The following DNAJB2 variants were observed in gnomAD, a reference collection of about 807,000 sequenced individuals.
DNAJB2 encodes the protein DnaJ heat shock protein family (Hsp40) member B2, also known as dnaJ homolog subfamily B member 2.
In DNAJB2, 19 loss-of-function variants were observed where a neutral mutation model predicts 33.3. That is an observed-to-expected ratio of 0.57 (90% CI 0.40 to 0.84). DNAJB2 has a LOEUF of 0.84. DNAJB2 is among the 40% of genes least tolerant of loss of function. DNAJB2 has a pLI of 0.00. For missense variants in DNAJB2, 368 were observed against 430.9 expected, an observed-to-expected ratio of 0.85 and a Z score of 1.29; for synonymous variants, 172 against 164.6, an observed-to-expected ratio of 1.04 and a Z score of -0.34.
Position 219,281,739 on chromosome 2 carries a change from A to C in DNAJB2, c.197A>C (p.Asp66Ala), listed in dbSNP as rs1951906347. Reference protein sequence around the residue: ...LSDKHKREIYDRYGREGLTGT... With the variant: ...LSDKHKREIYARYGREGLTGT... ...GCAGAGCACAAGCGGGAGATTTACG[A>C]CCGCTATGGCCGGGAAGGGCTGACA... is the stretch of plus-strand genomic sequence containing the variant. The change falls in exon 4 of 9, where the codon GAC becomes GCC. Residue 66 changes from aspartate (D) to alanine (A), a missense_variant. Physicochemically the swap from Asp to Ala is moderately radical, Grantham distance 126. Coordinates refer to ENST00000336576, the MANE Select transcript of DNAJB2 (RefSeq NM_006736.6). 6.2e-7 allele frequency: 1 copy of C among 1,613,798 alleles called. No homozygotes were observed.
chr2:219,280,755 T>A, intron 3 of DNAJB2, 68 bp downstream of exon 3: 1 of 1,176,292 alleles, frequency 8.5e-7, no homozygotes, highest in Non-Finnish European at 1.2e-6. Flanking sequence ...CACATTTTCT[T>A]AAAGCAATGT....
Position 219,279,977 on chromosome 2 carries a change from T to C in DNAJB2, c.65+79T>C. The C allele has an allele frequency of 2.0e-6, 3 of 1,521,060 alleles. No homozygotes were observed. Among genetic ancestry groups the C allele is most frequent in the Non-Finnish European group, 2.7e-6 (3 of 1,102,532 alleles). 94.2% of individuals were successfully genotyped at this position (1,521,060 alleles called of 1,614,324 possible). A position where few individuals can be genotyped will look rare whatever the true frequency, so the allele number is the denominator to read the frequency against. On this transcript the variant is annotated intron_variant, in intron 2 of 8. Coordinates refer to ENST00000336576, the MANE Select transcript of DNAJB2 (RefSeq NM_006736.6). This position sits in a 1 kb window ranked among gnomAD's most constrained non-coding sequence, Gnocchi z 4.9. ...ATGGGGCACTTCAGAGTGACACCTG[T>C]AGGTGTCTGAGGGAACCAGGTCGTT...
Position 219,285,592 on chromosome 2 carries a change from C to A in DNAJB2, c.*605C>A. 9.4e-7 allele frequency: 1 copy of A among 1,060,354 alleles called. No homozygotes were observed. Among genetic ancestry groups the A allele is most frequent in the Non-Finnish European group, 1.1e-6 (1 of 877,178 alleles). The allele number at this position is 1,060,354 out of a possible 1,614,324, so 65.7% of individuals were successfully genotyped here. ...GCCGTCTGGCTAGGACTCCCTTCTTCCTTCCTTCCCCGAGAAGGCCTCAAT... is the reference window on the plus strand; with the variant it reads ...GCCGTCTGGCTAGGACTCCCTTCTTACTTCCTTCCCCGAGAAGGCCTCAAT... On this transcript the variant is annotated 3_prime_UTR_variant, in exon 9 of 9. Transcript: ENST00000336576.
intron 8 of DNAJB2, among the ~76,000 whole-genome samples, chr2:219,283,887 C>T (rs1205479942): frequency 1.3e-5 from 2 of 152,040 alleles, no homozygotes; most frequent in Admixed American, 6.6e-5. Flanking sequence ...TCTTTCCTTC[C>T]AAGTAAGGAG....
In DNAJB2 at chr2:219,281,993, C is replaced by A. The variant is rs1314160406; in HGVS notation, c.284C>A (p.Thr95Asn). The A allele has an allele frequency of 3.1e-6, 5 of 1,614,220 alleles. No individual in the cohort carries two copies. The East Asian group carries it at 8.9e-5, about 29-fold the overall frequency. ...AGSGGPGFTF[T>N]FRSPEEVFRE... ...AGTGGTGGGCCTGGCTTCACCTTCA[C>A]CTTCCGCAGCCCCGAGGAGGTCTTC... The change falls in exon 5 of 9, where the codon ACC becomes AAC. Residue 95 changes from threonine to asparagine, a missense_variant. Thr to Asn is a moderately conservative substitution (Grantham distance 65, BLOSUM62 0). Transcript: ENST00000336576.
rs1574901022 is a variant in DNAJB2, at chr2:219,282,975, C to G, written c.445+46C>G. ...CGTTTGCAAGCTCCGATTCCTGGAA[C>G]CCCTGGCTTGAGCTTGTTGCTTTTC... On this transcript the variant is annotated intron_variant, in intron 6 of 8. Transcript: ENST00000336576. The G allele has an allele frequency of 3.8e-6, 6 of 1,565,888 alleles. No individual in the cohort carries two copies. The East Asian group carries it at 1.3e-4, about 35-fold the overall frequency.
Position 219,281,738 on chromosome 2 carries a change from G to A in DNAJB2, c.196G>A (p.Asp66Asn), listed in dbSNP as rs746079387. ...LSDKHKREIY[D>N]RYGREGLTGT... Reference sequence around the variant, plus strand: ...TGCAGAGCACAAGCGGGAGATTTACGACCGCTATGGCCGGGAAGGGCTGAC... The same window carrying A: ...TGCAGAGCACAAGCGGGAGATTTACAACCGCTATGGCCGGGAAGGGCTGAC... The change falls in exon 4 of 9, where the codon GAC becomes AAC. Residue 66 changes from aspartate (D) to asparagine (N), a missense_variant. Physicochemically the swap from Asp to Asn is conservative, Grantham distance 23. Coordinates refer to ENST00000336576, the MANE Select transcript of DNAJB2 (RefSeq NM_006736.6). 3.2e-5 allele frequency: 52 copies of A among 1,613,878 alleles called. No homozygotes were observed. The highest frequency in any genetic ancestry group is 4.5e-5 in the East Asian group (2 of 44,886).
In DNAJB2 at chr2:219,284,828, A is replaced by T. The variant is rs756414934; in HGVS notation, c.816A>T (p.Lys272Asn). The T allele has an allele frequency of 6.2e-7, 1 of 1,612,022 alleles. No individual in the cohort carries two copies. Among genetic ancestry groups the T allele is most frequent in the Non-Finnish European group, 8.5e-7 (1 of 1,179,248 alleles). Residue 272 changes from lysine (K) to asparagine (N), a missense_variant, in exon 9 of 9, where the codon AAA becomes AAT. By Grantham distance (94) the Lys-to-Asn change is moderately conservative (BLOSUM62 0). Coordinates refer to ENST00000336576, the MANE Select transcript of DNAJB2 (RefSeq NM_006736.6). Reference protein sequence around the residue: ...SLSEMEAAGKKPAGGREAQHR... With the variant: ...SLSEMEAAGKNPAGGREAQHR... ...CAGAGATGGAGGCAGCTGGGAAGAA[A>T]CCCGCAGGTGGGCGGGAGGCACAGC...
chr2:219,280,036 C>T, intron 2 of DNAJB2, 138 bp downstream of exon 2: 3 of 884,726 alleles, frequency 3.4e-6, no homozygotes, highest in East Asian at 5.2e-5. Flanking sequence ...CGAGTGACAC[C>T]TGCAGGGAGG....
intron 5 of DNAJB2, chr2:219,282,282 TACA>T: frequency 1.6e-6 from 1 of 614,890 alleles, no homozygotes; most frequent in East Asian, 2.8e-5. Context: ...CTTATTAAAT[TACA>T]ACAATAATAC....
Position 219,285,023 on chromosome 2 carries a change from C to T in DNAJB2, c.*36C>T, listed in dbSNP as rs1350613193. 1 of 1,448,996 alleles carries T rather than the reference C, an allele frequency of 6.9e-7. No homozygotes were observed. Among genetic ancestry groups the T allele is most frequent in the South Asian group, 1.5e-5 (1 of 67,382 alleles). The allele number at this position is 1,448,996 out of a possible 1,614,324, so 89.8% of individuals were successfully genotyped here. On this transcript the variant is annotated 3_prime_UTR_variant, in exon 9 of 9. Transcript: ENST00000336576. ...CAACCTGATCTGATCCAGATCTTGACTGGGGGGTCTGACTCACTGTGGGAA... is the reference window on the plus strand; with the variant it reads ...CAACCTGATCTGATCCAGATCTTGATTGGGGGGTCTGACTCACTGTGGGAA...
chr2:219,283,548 GC>G (rs1334733208), intron 8 of DNAJB2, 59 bp downstream of exon 8: 193 of 1,536,428 alleles, frequency 1.3e-4, no homozygotes, highest in Non-Finnish European at 1.6e-4. Context: ...AACCTCAGCA[GC>G]CTCCTCCCCA....
chr2:219,285,194 C>A lies in DNAJB2; in HGVS notation c.*207C>A. The A allele has an allele frequency of 8.0e-7, 1 of 1,254,904 alleles. No homozygotes were observed. The highest frequency in any genetic ancestry group is 1.0e-6 in the Non-Finnish European group (1 of 999,646). The allele number at this position is 1,254,904 out of a possible 1,614,324, so 77.7% of individuals were successfully genotyped here. ...AGGGCTGATAGGTCCCTGGTGAAGC[C>A]CAGGGTGGGGGGTGTCAGGGCAGTG... On this transcript the variant is annotated 3_prime_UTR_variant, in exon 9 of 9. Transcript: ENST00000336576.
rs1360413665 is a variant in DNAJB2 at position 219,286,047 on chromosome 2, C to T, written c.*1060C>T. 1 of 1,607,744 alleles carries T rather than the reference C, an allele frequency of 6.2e-7. No homozygotes were observed. Among genetic ancestry groups the T allele is most frequent in the Non-Finnish European group, 8.5e-7 (1 of 1,177,280 alleles). On this transcript the variant is annotated 3_prime_UTR_variant, in exon 9 of 9. Coordinates refer to ENST00000336576, the MANE Select transcript of DNAJB2 (RefSeq NM_006736.6). ...CTGCACAGTTCCAACAGGACAGCGCCTTCCCCCATGCGCTGGGAGGGGACC... is the reference window on the plus strand; with the variant it reads ...CTGCACAGTTCCAACAGGACAGCGCTTTCCCCCATGCGCTGGGAGGGGACC...
intron 3 of DNAJB2, chr2:219,281,168 T>C (rs753895184): frequency 3.7e-5 from 7 of 188,424 alleles, no homozygotes; most frequent in Non-Finnish European, 7.9e-5. Context: ...CTGGGGAAAC[T>C]GGAGGACAAG....
At position 219,285,260 on chromosome 2, in the gene DNAJB2, G is replaced by A; in HGVS notation, c.*273G>A. The A allele has an allele frequency of 8.6e-7, 1 of 1,169,184 alleles. No homozygotes were observed. The highest frequency in any genetic ancestry group is 3.9e-5 in the South Asian group (1 of 25,326). The allele number at this position is 1,169,184 out of a possible 1,614,324, so 72.4% of individuals were successfully genotyped here. A position where few individuals can be genotyped will look rare whatever the true frequency, so the allele number is the denominator to read the frequency against. Reference sequence around the variant, plus strand: ...CCAGGTTGCATTTATTGGATGGGGAGCTCCAAGGGGCATTAGTGGTTTGGG... The same window carrying A: ...CCAGGTTGCATTTATTGGATGGGGAACTCCAAGGGGCATTAGTGGTTTGGG... On this transcript the variant is annotated 3_prime_UTR_variant, in exon 9 of 9. Transcript: ENST00000336576.
intron 4 of DNAJB2, 58 bp from the exon 5 acceptor site, chr2:219,281,881 G>GT: frequency 1.3e-6 from 2 of 1,581,060 alleles, no homozygotes; most frequent in Non-Finnish European, 1.7e-6. Flanking sequence ...CTTAGGTGAG[G>GT]TCCCCCGCTC....
In DNAJB2 at chr2:219,282,035, G is replaced by T; in HGVS notation, c.326G>T (p.Ser109Ile). Residue 109 changes from serine (S) to isoleucine (I), a missense_variant, in exon 5 of 9, where the codon AGT becomes ATT. Physicochemically the swap from Ser to Ile is moderately radical, Grantham distance 142 (BLOSUM62 -2). Transcript: ENST00000336576. ...PEEVFREFFG[S>I]GDPFAELFDD... is the part of the protein sequence containing the mutation. ...GAGGTCTTCCGGGAATTCTTTGGGAGTGGAGACCCTTTTGCAGAGCTCTTT... is the reference window on the plus strand; with the variant it reads ...GAGGTCTTCCGGGAATTCTTTGGGATTGGAGACCCTTTTGCAGAGCTCTTT... 1.9e-6 allele frequency: 3 copies of T among 1,614,216 alleles called. No homozygotes were observed. Among genetic ancestry groups the T allele is most frequent in the Non-Finnish European group, 2.5e-6 (3 of 1,180,050 alleles).
chr2:219,283,044 G>A (rs1208899414), intron 6 of DNAJB2, 89 bp from the exon 7 acceptor site: 15 of 1,582,290 alleles, frequency 9.5e-6, no homozygotes, highest in Non-Finnish European at 1.3e-5. Context: ...CAGCAGCCCT[G>A]CGAGGCGGCC....
Sources: allele counts gnomAD v4.1 joint callset (sites outside exome capture counted in the v4.1 genomes callset), GRCh38; gene constraint gnomAD v4.1.1; non-coding constraint Gnocchi (gnomAD v3.1); transcripts MANE v1.5; gene names NCBI Gene and HGNC (gene_info 2026-07-23, HGNC 2026-07-21).